AKT1: variants seen among roughly 807,000 people sequenced by gnomAD.
The protein encoded by AKT1 is AKT serine/threonine kinase 1.
In AKT1, 21 loss-of-function variants were observed where a neutral mutation model predicts 63.1. That is an observed-to-expected ratio of 0.33 (90% CI 0.24 to 0.48). The LOEUF is 0.48. Ranked by LOEUF, AKT1 falls within the 20% of genes least tolerant of loss-of-function variation. The pLI is 0.99. For missense variants in AKT1, 382 were observed against 666.0 expected, an observed-to-expected ratio of 0.57 and a Z score of 4.69; for synonymous variants, 257 against 253.1, an observed-to-expected ratio of 1.02 and a Z score of -0.15.
intron 1 of AKT1, chr14:104,793,612 G>C (rs1385799723): frequency 5.8e-6 from 1 of 171,924 alleles, no homozygotes; most frequent in African/African-American, 2.4e-5. Context: ...CAGCAGTCGG[G>C]AGGCAGCAAG....
At chr14:104,776,442 C>T (rs1029014769) in intron 5 of AKT1, 34 of 509,392 alleles carry the variant, frequency 6.7e-5, no homozygotes, top group African/African-American at 2.9e-4. Flanking sequence ...CCACTGCACC[C>T]GGTCCCTAGC....
intron 3 of AKT1, among the ~76,000 whole-genome samples, chr14:104,781,921 C>T (rs1307187716): frequency 6.6e-6 from 1 of 152,204 alleles, no homozygotes; most frequent in Non-Finnish European, 1.5e-5. Flanking sequence ...AGACCCCACC[C>T]ACTCCGCAAG....
Position 104,773,600 on chromosome 14 carries a change from A to G in AKT1, c.703-20T>C, listed in dbSNP as rs1401372648. 1 of 1,596,422 alleles carries G rather than the reference A, an allele frequency of 6.3e-7. No individual in the cohort carries two copies. Among genetic ancestry groups the G allele is most frequent in the Non-Finnish European group, 8.5e-7 (1 of 1,172,220 alleles). On this transcript the variant is annotated intron_variant, in intron 9 of 14. Coordinates refer to ENST00000649815, the MANE Select transcript of AKT1 (RefSeq NM_001382430.1). ...GAACAGCTGCGGGAGGCGCAACCTG[A>G]GGCACAGCCGTGGCTCGGGCCTCTG...
At chr14:104,785,167 A>T (rs938635317) in intron 3 of AKT1, among the ~76,000 whole-genome samples, 1 of 152,154 alleles carries the variant, frequency 6.6e-6, no homozygotes, top group Non-Finnish European at 1.5e-5. Flanking sequence ...CATTGAGCAG[A>T]CGGCTCCGCT....
chr14:104,775,351 A>C, intron 6 of AKT1, 144 bp from the exon 7 acceptor site: 2 of 1,433,218 alleles, frequency 1.4e-6, no homozygotes, highest in Non-Finnish European at 1.9e-6. Flanking sequence ...TACTGGGCTC[A>C]GCGGGGAGTC....
chr14:104,792,874 C>T, intron 2 of AKT1, 152 bp from the exon 3 acceptor site: 1 of 598,998 alleles, frequency 1.7e-6, no homozygotes, highest in Admixed American at 2.9e-5. Context: ...GCTCTCTGAC[C>T]CCCATCTGCC....
intron 4 of AKT1, chr14:104,777,032 G>A (rs1215744681): frequency 1.1e-5 from 5 of 457,372 alleles, no homozygotes; most frequent in East Asian, 8.0e-5. Context: ...CCCCACCATC[G>A]TCCACTCCTA....
At chr14:104,774,805 T>C (rs557734371) in intron 8 of AKT1, 133 bp downstream of exon 8, 1 of 1,000,786 alleles carries the variant, frequency 1.0e-6, no homozygotes, top group East Asian at 2.5e-5. Flanking sequence ...GGCAGGCCTG[T>C]CTCACCAGCG....
At chr14:104,790,199 G>C (rs545724294) in intron 3 of AKT1, among the ~76,000 whole-genome samples, 1 of 152,358 alleles carries the variant, frequency 6.6e-6, no homozygotes, top group East Asian at 1.9e-4. Context: ...CCCAGGCCAC[G>C]GTCGTGGGGA....
intron 3 of AKT1, among the ~76,000 whole-genome samples, chr14:104,783,359 C>T (rs1161556842): frequency 6.6e-6 from 1 of 152,154 alleles, no homozygotes; most frequent in Non-Finnish European, 1.5e-5. Context: ...CAATCCCTGA[C>T]ACCCCAGGAA....
rs1892254955 is a variant in AKT1 at position 104,769,493 on chromosome 14, C to A, written c.*848G>T. On this transcript the variant is annotated 3_prime_UTR_variant, in exon 15 of 15. Transcript: ENST00000649815. ...TCTGGCCAGGAGGCGTGGAGGGGCC[C>A]AGGGATGGCCACCCCCACAGGGAGT... 5.7e-6 allele frequency: 3 copies of A among 526,536 alleles called. No individual in the cohort carries two copies. Among genetic ancestry groups the A allele is most frequent in the Non-Finnish European group, 1.1e-5 (3 of 273,088 alleles). The allele number at this position is 526,536 out of a possible 1,614,324, so 32.6% of individuals were successfully genotyped here. A position where few individuals can be genotyped will look rare whatever the true frequency, so the allele number is the denominator to read the frequency against.
At chr14:104,771,029 G>T in intron 13 of AKT1, 182 bp from the exon 14 acceptor site, 1 of 603,018 alleles carries the variant, frequency 1.7e-6, no homozygotes, top group Non-Finnish European at 2.9e-6. Flanking sequence ...GGGACATGAG[G>T]GGTGCAGGAG....
chr14:104,792,501 G>T, intron 3 of AKT1, 97 bp downstream of exon 3: 1 of 1,410,796 alleles, frequency 7.1e-7, no homozygotes, highest in Non-Finnish European at 1.0e-6. Context: ...AGGGGAGGCA[G>T]CCCCTCCCAC....
rs376815405 is a variant in AKT1, at chr14:104,772,667, T to G, written c.1172+211A>C. Among the ~76,000 whole-genome samples the G allele has an allele frequency of 3.9e-5, 6 of 152,262 alleles. No homozygotes were observed. In the East Asian group the frequency reaches 7.7e-4, roughly 20 times the overall value. Reference sequence around the variant, plus strand: ...GCTTCCTGAGTGGGTGGGTGCAGGCTGCAGGGTTGGGGACAGAGGCCCAAC... The same window carrying G: ...GCTTCCTGAGTGGGTGGGTGCAGGCGGCAGGGTTGGGGACAGAGGCCCAAC... On this transcript the variant is annotated intron_variant, in intron 12 of 14. Transcript: ENST00000649815.
chr14:104,780,327 T>C (rs1595251665), intron 3 of AKT1, 111 bp from the exon 4 acceptor site: 4 of 1,450,712 alleles, frequency 2.8e-6, no homozygotes, highest in Non-Finnish European at 2.8e-6. Flanking sequence ...GATGCCTGAG[T>C]CCCAGGGGGC....
chr14:104,776,477 T>G, intron 5 of AKT1, 182 bp downstream of exon 5: 4 of 547,282 alleles, frequency 7.3e-6, no homozygotes, highest in Non-Finnish European at 1.3e-5. Context: ...AGCCTCAGTT[T>G]CCCCACCCAA....
intron 1 of AKT1, chr14:104,793,836 T>C (rs1234449013): frequency 6.6e-6 from 1 of 152,306 alleles, no homozygotes; most frequent in Non-Finnish European, 1.5e-5. Context: ...AGCAGTCCTC[T>C]GCTACCCTTC....
At chr14:104,787,641 G>A (rs1210040008) in intron 3 of AKT1, among the ~76,000 whole-genome samples, 1 of 152,252 alleles carries the variant, frequency 6.6e-6, no homozygotes, top group Non-Finnish European at 1.5e-5. Context: ...CCTGAGAGTG[G>A]AAGGTGTACG....
chr14:104,778,970 G>C (rs1892878328), intron 4 of AKT1, among the ~76,000 whole-genome samples: 1 of 152,210 alleles, frequency 6.6e-6, no homozygotes, highest in African/African-American at 2.4e-5. Context: ...CCCACAACTG[G>C]GCCCTAATTA....
Sources: allele counts gnomAD v4.1 joint callset (sites outside exome capture counted in the v4.1 genomes callset), GRCh38; gene constraint gnomAD v4.1.1; transcripts MANE v1.5; gene names NCBI Gene and HGNC (gene_info 2026-07-23, HGNC 2026-07-21).